Variants in ADGRA3 observed in about 807,000 individuals in gnomAD.
ADGRA3 encodes the protein G-protein coupled receptor 125.
ADGRA3 carries 56 observed loss-of-function variants against 119.8 expected under a neutral mutation model. The observed-to-expected ratio is 0.47, with a 90% CI of 0.38 to 0.58. The LOEUF (loss-of-function observed/expected upper bound fraction) is 0.58, where lower values mean the gene tolerates loss of function less well. Ranked by LOEUF, ADGRA3 falls within the 20% of genes least tolerant of loss-of-function variation. ADGRA3 has a pLI of 0.00. For missense variants in ADGRA3, 1,516 were observed against 1,649.0 expected (o/e 0.92, Z 1.40); for synonymous variants, 607 against 623.8 (o/e 0.97, Z 0.40).
At chr4:22,507,451 C>T (rs889559315) in intron 1 of ADGRA3, among the ~76,000 whole-genome samples, 11 of 152,100 alleles carry the variant, frequency 7.2e-5, no homozygotes, top group Non-Finnish European at 1.3e-4. Context: ...AACTACATCC[C>T]GTGTCATTTT....
intron 1 of ADGRA3, among the ~76,000 whole-genome samples, chr4:22,480,572 T>C (rs972412118): frequency 2.0e-5 from 3 of 152,034 alleles, no homozygotes; most frequent in Non-Finnish European, 4.4e-5. Flanking sequence ...AGTATAAACA[T>C]ATATACACTA....
intron 4 of ADGRA3, 31 bp downstream of exon 4, chr4:22,454,835 T>C: frequency 6.5e-7 from 1 of 1,542,122 alleles, no homozygotes; most frequent in South Asian, 1.1e-5. Context: ...TGCTTCCTTA[T>C]CTTTTAATGG....
Position 22,509,736 on chromosome 4 carries a change from C to T in ADGRA3, c.257+5792G>A, listed in dbSNP as rs944423525. ...ATAGATAAGAAATGACTTGGCCGGG[C>T]GCGGTGGCTCACGCCTGTAATCCCA... On this transcript the variant is annotated intron_variant, in intron 1 of 18. Transcript: ENST00000334304. Among the ~76,000 whole-genome samples, 8 of 151,600 alleles carry T rather than the reference C, an allele frequency of 5.3e-5. No individual in the cohort carries two copies. The South Asian group carries it at 1.5e-3, about 28-fold the overall frequency.
chr4:22,456,585 C>T (rs566334513), intron 3 of ADGRA3, among the ~76,000 whole-genome samples: 2 of 152,302 alleles, frequency 1.3e-5, no homozygotes, highest in South Asian at 4.1e-4. Flanking sequence ...CTGGGGACTG[C>T]AAGGTCAGCT....
chr4:22,453,450 G>A (rs1341239108), intron 4 of ADGRA3, among the ~76,000 whole-genome samples: 1 of 152,162 alleles, frequency 6.6e-6, no homozygotes, highest in African/African-American at 2.4e-5. Flanking sequence ...TTCCTATGCA[G>A]CACGAACATT....
chr4:22,491,661 G>C (rs1036908781), intron 1 of ADGRA3, among the ~76,000 whole-genome samples: 1 of 152,164 alleles, frequency 6.6e-6, no homozygotes, highest in Non-Finnish European at 1.5e-5. Flanking sequence ...CTTTAAGCGA[G>C]AATCTCGCTA....
At chr4:22,421,805 A>C (rs1372025889) in intron 11 of ADGRA3, among the ~76,000 whole-genome samples, 1 of 140,682 alleles carries the variant, frequency 7.1e-6, no homozygotes, top group South Asian at 2.4e-4. Context: ...GCTTGAACTT[A>C]GGGAGGCAGA....
chr4:22,515,494 C>CG, intron 1 of ADGRA3, 34 bp downstream of exon 1: 1 of 1,591,542 alleles, frequency 6.3e-7, no homozygotes, highest in Non-Finnish European at 8.6e-7. Flanking sequence ...AAGAGCCGAG[C>CG]GGGAGAGGAC....
At position 22,452,544 on chromosome 4, in the gene ADGRA3, C is replaced by A. The variant is rs1412190290; in HGVS notation, c.473+2322G>T. ...TTACTTGGATGATGTTCATTGTGTT[C>A]CATGATGTATACATTCTCATAACAG... On this transcript the variant is annotated intron_variant, in intron 4 of 18. Transcript: ENST00000334304. Among the ~76,000 whole-genome samples the A allele has an allele frequency of 8.6e-5, 13 of 152,002 alleles. 1 individual carries two copies. The highest frequency in any genetic ancestry group is 8.5e-4 in the Admixed American group (13 of 15,256).
At chr4:22,476,186 A>G (rs1433809793) in intron 1 of ADGRA3, among the ~76,000 whole-genome samples, 1 of 152,172 alleles carries the variant, frequency 6.6e-6, no homozygotes, top group Non-Finnish European at 1.5e-5. Context: ...CAGGCAAAAC[A>G]GAATTGAGAC....
At chr4:22,493,146 C>A (rs1718691024) in intron 1 of ADGRA3, among the ~76,000 whole-genome samples, 1 of 152,056 alleles carries the variant, frequency 6.6e-6, no homozygotes, top group African/African-American at 2.4e-5. Context: ...TGTATTTCTT[C>A]GTAGAGATGG....
chr4:22,427,274 T>G (rs548570235), intron 10 of ADGRA3, among the ~76,000 whole-genome samples: 1 of 152,288 alleles, frequency 6.6e-6, no homozygotes, highest in Non-Finnish European at 1.5e-5. Context: ...TTAGCAAAGT[T>G]ACAACTAAAC....
In ADGRA3 at chr4:22,402,759, AG is replaced by A. The variant is rs767407821; in HGVS notation, c.2272del (p.Leu758SerfsTer18). 6.2e-7 allele frequency: 1 copy of A among 1,613,822 alleles called. No individual in the cohort carries two copies. The highest frequency in any genetic ancestry group is 8.5e-7 in the Non-Finnish European group (1 of 1,179,754). ...GSELYTQAASLLHPVVYTTAI... is the reference protein window; with the variant it reads ...GSELYTQAASXLHPVVYTTAI... ...GGTAGTATAAACCACAGGATGCAGG[AG>A]GCTGGCCGCCTGGGTGTATAGTTCA... is the stretch of plus-strand genomic sequence containing the variant. On this transcript the variant is annotated frameshift_variant, in exon 15 of 19. Coordinates refer to ENST00000334304, the MANE Select transcript of ADGRA3 (RefSeq NM_145290.4). LOFTEE classifies it high-confidence loss of function.
At chr4:22,394,053 A>G (rs930093079) in intron 16 of ADGRA3, 1 of 152,208 alleles carries the variant, frequency 6.6e-6, no homozygotes, top group Non-Finnish European at 1.5e-5. Flanking sequence ...ATGTCACTGG[A>G]GTATCAAGGA....
At chr4:22,399,077 T>C (rs1714497040) in intron 16 of ADGRA3, among the ~76,000 whole-genome samples, 2 of 152,196 alleles carry the variant, frequency 1.3e-5, no homozygotes, top group African/African-American at 4.8e-5. Flanking sequence ...CATAAAATGG[T>C]AACTAATTGT....
At chr4:22,434,523 C>G (rs1332308893) in intron 10 of ADGRA3, among the ~76,000 whole-genome samples, 1 of 152,118 alleles carries the variant, frequency 6.6e-6, no homozygotes, top group Non-Finnish European at 1.5e-5. Flanking sequence ...TAAGCGTGGG[C>G]TTCAGTTTAC....
intron 3 of ADGRA3, 24 bp from the exon 4 acceptor site, chr4:22,454,961 T>C (rs1337991251): frequency 6.4e-7 from 1 of 1,558,852 alleles, no homozygotes; most frequent in South Asian, 1.1e-5. Context: ...TGGAAAAGTG[T>C]CTTCAATTAG....
At chr4:22,437,599 A>G (rs1355507826) in intron 8 of ADGRA3, among the ~76,000 whole-genome samples, 1 of 152,244 alleles carries the variant, frequency 6.6e-6, no homozygotes, top group East Asian at 1.9e-4. Context: ...GAAAGTAAAG[A>G]GAGTTTAAGG....
intron 4 of ADGRA3, among the ~76,000 whole-genome samples, chr4:22,449,219 A>G (rs10014897): frequency 0.14 from 21,106 of 151,840 alleles, 1,515 homozygotes; most frequent in South Asian, 0.21. Flanking sequence ...GCAGTGAGCC[A>G]GGACTGCAGC....
Sources: gnomAD v4.1 joint callset for allele counts (sites outside exome capture counted in the v4.1 genomes callset) on GRCh38, gnomAD v4.1.1 for gene constraint, MANE v1.5 for transcripts, NCBI Gene and HGNC (gene_info 2026-07-23, HGNC 2026-07-21) for gene names.